MTUS1: variants seen among roughly 807,000 people sequenced by gnomAD.
MTUS1 encodes microtubule associated scaffold protein 1.
MTUS1 carries 109 observed loss-of-function variants against 120.8 expected under a neutral mutation model. That is an observed-to-expected ratio of 0.90 (90% CI 0.77 to 1.06). MTUS1 has a LOEUF of 1.06. Ranked by LOEUF, MTUS1 falls within the 50% of genes least tolerant of loss-of-function variation. The pLI, the probability that MTUS1 is intolerant of heterozygous loss-of-function variation, is 0.00. For synonymous variants in MTUS1, 737 were observed against 550.5 expected, an observed-to-expected ratio of 1.34 and a Z score of -4.74; for missense variants, 2,210 against 1,486.3, an observed-to-expected ratio of 1.49 and a Z score of -8.01.
intron 6 of MTUS1, among the ~76,000 whole-genome samples, chr8:17,688,482 T>A (rs1816299405): frequency 6.6e-6 from 1 of 152,218 alleles, no homozygotes; most frequent in Admixed American, 6.5e-5. Flanking sequence ...AACCGATGTT[T>A]GTGGGTTGAC....
intron 10 of MTUS1, chr8:17,654,288 A>G: frequency 2.1e-6 from 1 of 474,056 alleles, no homozygotes; most frequent in South Asian, 3.1e-5. Context: ...CCAGGGACCT[A>G]AGCTGGCAAC....
At chr8:17,734,379 CCAGA>C (rs1471530481) in intron 3 of MTUS1, 1 of 152,138 alleles carries the variant, frequency 6.6e-6, no homozygotes, top group Non-Finnish European at 1.5e-5. Flanking sequence ...GGTAAGCTCC[CCAGA>C]CAAAGGCAGA....
intron 1 of MTUS1, among the ~76,000 whole-genome samples, chr8:17,758,987 T>C (rs2131367232): frequency 6.6e-6 from 1 of 152,284 alleles, no homozygotes; most frequent in South Asian, 2.1e-4. Context: ...GTTCAAGCGA[T>C]TACCCTGCCT....
chr8:17,659,523 C>A (rs1809211289), intron 8 of MTUS1, among the ~76,000 whole-genome samples: 1 of 152,058 alleles, frequency 6.6e-6, no homozygotes, highest in Admixed American at 6.6e-5. Context: ...GGTGAAACCC[C>A]ATCTCTACTA....
chr8:17,663,540 G>A (rs1458244653), intron 8 of MTUS1, among the ~76,000 whole-genome samples: 1 of 152,158 alleles, frequency 6.6e-6, no homozygotes, highest in Non-Finnish European at 1.5e-5. Context: ...ACACCACTCA[G>A]CTGCTACATC....
At chr8:17,729,344 A>C (rs2046410375) in intron 3 of MTUS1, among the ~76,000 whole-genome samples, 1 of 152,240 alleles carries the variant, frequency 6.6e-6, no homozygotes, top group Non-Finnish European at 1.5e-5. Flanking sequence ...CCAACACTAA[A>C]TATACATGTT....
At chr8:17,717,867 G>T (rs986880121) in intron 4 of MTUS1, among the ~76,000 whole-genome samples, 2 of 151,896 alleles carry the variant, frequency 1.3e-5, no homozygotes, top group Admixed American at 1.3e-4. Context: ...TTCATAACAC[G>T]CAACATGAAG....
intron 1 of MTUS1, among the ~76,000 whole-genome samples, chr8:17,762,154 C>T (rs1016466356): frequency 6.6e-6 from 1 of 152,138 alleles, no homozygotes; most frequent in African/African-American, 2.4e-5. Context: ...TGGCAGGTGC[C>T]TGTAATCCCA....
chr8:17,667,483 G>A (rs1354361046), intron 8 of MTUS1, among the ~76,000 whole-genome samples: 1 of 152,182 alleles, frequency 6.6e-6, no homozygotes, highest in Non-Finnish European at 1.5e-5. Flanking sequence ...ATGGCGTGAG[G>A]CAATGTGAAG....
intron 3 of MTUS1, among the ~76,000 whole-genome samples, chr8:17,729,274 T>C (rs1249953015): frequency 1.3e-5 from 2 of 152,192 alleles, no homozygotes; most frequent in East Asian, 1.9e-4. Flanking sequence ...AAATTATACA[T>C]ACTCAAAACC....
chr8:17,755,760 G>C lies in MTUS1; in HGVS notation c.48C>G (p.Thr16=). The change falls in exon 2 of 15, where the codon ACC becomes ACG. Residue 16 remains threonine, a synonymous_variant. Transcript: ENST00000693296. ...TTCCATCTTTATCACTGGTAAAGAAGGTTTGCAATTCATCTTCTATTTTAT... is the reference window on the plus strand; with the variant it reads ...TTCCATCTTTATCACTGGTAAAGAACGTTTGCAATTCATCTTCTATTTTAT... ...SDDKIEDELQ[T]FFTSDKDGNT... 3 of 1,613,868 alleles carry C rather than the reference G, an allele frequency of 1.9e-6. No individual in the cohort carries two copies. Among genetic ancestry groups the C allele is most frequent in the African/African-American group, 2.7e-5 (2 of 75,022 alleles).
chr8:17,676,045 T>C, intron 7 of MTUS1: 2 of 559,924 alleles, frequency 3.6e-6, no homozygotes, highest in Non-Finnish European at 6.4e-6. Context: ...CACCAGGGAG[T>C]AACTAAAAAA....
chr8:17,684,584 A>G (rs755236515), intron 6 of MTUS1, 42 bp from the exon 7 acceptor site: 1 of 1,498,896 alleles, frequency 6.7e-7, no homozygotes, highest in African/African-American at 1.4e-5. Context: ...AGGTGAGGTT[A>G]ATTTTTAAAA....
At chr8:17,650,653 G>A (rs1406861862) in intron 12 of MTUS1, among the ~76,000 whole-genome samples, 1 of 152,162 alleles carries the variant, frequency 6.6e-6, no homozygotes, top group African/African-American at 2.4e-5. Context: ...AGGCTGCAGT[G>A]AACTGTGAAT....
At chr8:17,787,317 C>A (rs2073699) in intron 1 of MTUS1, among the ~76,000 whole-genome samples, 1 of 152,216 alleles carries the variant, frequency 6.6e-6, no homozygotes, top group Non-Finnish European at 1.5e-5. Flanking sequence ...ATGTGACAGA[C>A]AGGTCACATG....
intron 8 of MTUS1, among the ~76,000 whole-genome samples, chr8:17,669,575 G>T (rs1447260356): frequency 1.3e-5 from 2 of 152,182 alleles, no homozygotes; most frequent in Non-Finnish European, 1.5e-5. Context: ...GCCAGGAGTG[G>T]TGGCTCAAGC....
Position 17,754,165 on chromosome 8 carries a change from C to G in MTUS1, c.1643G>C (p.Arg548Thr), listed in dbSNP as rs1201128587. 6.2e-7 allele frequency: 1 copy of G among 1,613,726 alleles called. No homozygotes were observed. Among genetic ancestry groups the G allele is most frequent in the Non-Finnish European group, 8.5e-7 (1 of 1,180,004 alleles). The change falls in exon 2 of 15, where the codon AGA becomes ACA. Residue 548 changes from arginine (R) to threonine (T), a missense_variant. By Grantham distance (71) the Arg-to-Thr change is moderately conservative. Coordinates refer to ENST00000693296, the MANE Select transcript of MTUS1 (RefSeq NM_001363059.2). The stretch of plus-strand genomic sequence containing the variant: ...TGTTCTGCTCAAGACTGTTTGTTGT[C>G]TTGAATTCACTGATGAGGGTGATGA... The part of the protein sequence containing the change: ...SASSPSSVNS[R>T]QQTVLSRTPR...
intron 8 of MTUS1, among the ~76,000 whole-genome samples, chr8:17,658,585 C>G (rs7815003): frequency 0.14 from 21,010 of 152,208 alleles, 1,892 homozygotes; most frequent in African/African-American, 0.23. Flanking sequence ...CCCCAGAGTA[C>G]TCGTGGATTA....
chr8:17,697,670 T>C (rs1408799347), intron 6 of MTUS1: 3 of 1,065,106 alleles, frequency 2.8e-6, no homozygotes, highest in African/African-American at 1.7e-5. Context: ...CATCACACTG[T>C]GCATGCTTGT....
Sources: allele counts gnomAD v4.1 joint callset (sites outside exome capture counted in the v4.1 genomes callset), GRCh38; gene constraint gnomAD v4.1.1; transcripts MANE v1.5; gene names NCBI Gene and HGNC (gene_info 2026-07-23, HGNC 2026-07-21).